The following ANLN variants were observed in gnomAD, a reference collection of about 807,000 sequenced individuals.
ANLN encodes the protein anillin, actin binding protein.
Under a neutral mutation model 135.1 loss-of-function variants are expected in ANLN, and 59 were observed. The ratio of observed to expected loss-of-function variants is 0.44; its 90% confidence interval spans 0.35 to 0.54. The LOEUF (loss-of-function observed/expected upper bound fraction) is 0.54. Ranked by LOEUF, ANLN falls within the 20% of genes least tolerant of loss-of-function variation. The probability of loss-of-function intolerance (pLI) is 0.00; values close to 1 mark genes in which losing one functional copy is unlikely to be tolerated. For missense variants in ANLN, 1,182 were observed against 1,340.0 expected (o/e 0.88, Z 1.84); for synonymous variants, 406 against 456.4 (o/e 0.89, Z 1.41).
chr7:36,449,821 A>G lies in ANLN; in HGVS notation c.3235A>G (p.Thr1079Ala). The G allele has an allele frequency of 1.9e-6, 3 of 1,613,822 alleles. No individual in the cohort carries two copies. Among genetic ancestry groups the G allele is most frequent in the Non-Finnish European group, 2.5e-6 (3 of 1,179,856 alleles). ...RETLVSQCRD[T>A]LCVTKNWLSA... is the part of the protein sequence containing the mutation. ...GACTCTTGTCAGCCAATGCAGGGAC[A>G]CACTCTGTGTTACCAAGTATGTATT... The change falls in exon 23 of 24, where the codon ACA becomes GCA. Residue 1079 changes from threonine to alanine, a missense_variant. Transcript: ENST00000265748.
At chr7:36,408,300 A>G (rs548364905) in intron 5 of ANLN, among the ~76,000 whole-genome samples, 14 of 152,178 alleles carry the variant, frequency 9.2e-5, no homozygotes, top group Non-Finnish European at 1.3e-4. Flanking sequence ...TCTTGTAGCC[A>G]AGTGTGCAGA....
intron 7 of ANLN, among the ~76,000 whole-genome samples, chr7:36,411,496 A>G (rs907946855): frequency 1.3e-5 from 2 of 152,226 alleles, no homozygotes; most frequent in Admixed American, 6.5e-5. Context: ...ACTTTTCTCA[A>G]TGATGACTGT....
At chr7:36,443,467 A>G (rs1443768148) in intron 21 of ANLN, among the ~76,000 whole-genome samples, 1 of 150,998 alleles carries the variant, frequency 6.6e-6, no homozygotes, top group Admixed American at 6.6e-5. Context: ...GGAGCATTTG[A>G]TTAGGGACAC....
chr7:36,403,317 G>A (rs1024226847), intron 3 of ANLN, among the ~76,000 whole-genome samples: 1 of 152,106 alleles, frequency 6.6e-6, no homozygotes, highest in African/African-American at 2.4e-5. Flanking sequence ...CTAAGATGAG[G>A]AGGAATATGT....
chr7:36,402,642 A>G (rs1293644564), intron 3 of ANLN, among the ~76,000 whole-genome samples: 1 of 152,140 alleles, frequency 6.6e-6, no homozygotes, highest in Non-Finnish European at 1.5e-5. Flanking sequence ...TGGAAAAAAA[A>G]TGTAACTCTT....
chr7:36,448,252 G>C lies in ANLN; in HGVS notation c.3079-1413G>C, dbSNP rs191907399. Among the ~76,000 whole-genome samples, 301 of 152,216 alleles carry C rather than the reference G, an allele frequency of 2.0e-3. 2 individuals carry two copies. The highest frequency in any genetic ancestry group is 6.8e-3 in the African/African-American group (284 of 41,544). On this transcript the variant is annotated intron_variant, in intron 22 of 23. Transcript: ENST00000265748. ...TGGTCTCAAACTACTGAGCTCAAAGGTATCCGCCTGCCTCCACCTCCTGAA... is the reference window on the plus strand; with the variant it reads ...TGGTCTCAAACTACTGAGCTCAAAGCTATCCGCCTGCCTCCACCTCCTGAA...
intron 10 of ANLN, 147 bp from the exon 11 acceptor site, chr7:36,420,022 A>G: frequency 1.4e-6 from 1 of 738,682 alleles, no homozygotes; most frequent in Non-Finnish European, 2.1e-6. Context: ...TTTATGTGTT[A>G]GGAACTTAGT....
In ANLN at chr7:36,446,750, C is replaced by A. The variant is rs138169226; in HGVS notation, c.3078+2888C>A. Among the ~76,000 whole-genome samples the A allele has an allele frequency of 5.5e-3, 840 of 152,318 alleles. 8 individuals carry two copies. The highest frequency in any genetic ancestry group is 0.019 in the African/African-American group (791 of 41,562). On this transcript the variant is annotated intron_variant, in intron 22 of 23. Coordinates refer to ENST00000265748, the MANE Select transcript of ANLN (RefSeq NM_018685.5). ...TGGGGATTACAATTCAACATGAGATCTGGGTGAAGACAAATATCAAAACTG... is the reference window on the plus strand; with the variant it reads ...TGGGGATTACAATTCAACATGAGATATGGGTGAAGACAAATATCAAAACTG...
Position 36,449,944 on chromosome 7 carries a change from A to G in ANLN, c.3251+107A>G, listed in dbSNP as rs368303360. 448 of 1,097,724 alleles carry G rather than the reference A, an allele frequency of 4.1e-4. 2 individuals carry two copies. In the African/African-American group the frequency reaches 5.9e-3, roughly 15 times the overall value. The allele number at this position is 1,097,724 out of a possible 1,614,324, so 68.0% of individuals were successfully genotyped here. ...GATGGTCCTTGACGTTGAAAAGGGC[A>G]CAGCCTTAGTGAGAAAACAAAACAC... is the stretch of plus-strand genomic sequence containing the variant. On this transcript the variant is annotated intron_variant, in intron 23 of 23. Coordinates refer to ENST00000265748, the MANE Select transcript of ANLN (RefSeq NM_018685.5).
intron 3 of ANLN, among the ~76,000 whole-genome samples, chr7:36,405,462 CT>C (rs1198444468): frequency 1.9e-4 from 29 of 152,290 alleles, no homozygotes; most frequent in Non-Finnish European, 1.2e-4. Flanking sequence ...GAAGTAGAAG[CT>C]TTGGACAGGA....
At chr7:36,402,812 T>C (rs186227653) in intron 3 of ANLN, among the ~76,000 whole-genome samples, 1 of 152,256 alleles carries the variant, frequency 6.6e-6, no homozygotes, top group East Asian at 1.9e-4. Flanking sequence ...TTAAGGAGTC[T>C]CTCCCTCCTC....
Position 36,406,546 on chromosome 7 carries a change from G to T in ANLN, c.853G>T (p.Ala285Ser), listed in dbSNP as rs188228038. Residue 285 changes from alanine (A) to serine (S), a missense_variant, in exon 4 of 24, where the codon GCC (alanine) becomes TCC (serine). Ala to Ser is a moderately conservative substitution (Grantham distance 99). Coordinates refer to ENST00000265748, the MANE Select transcript of ANLN (RefSeq NM_018685.5). ...SSADDASLVN[A>S]SISSSVKATS... is the part of the protein sequence containing the mutation. ...TGCTGATGATGCGTCTTTGGTTAAT[G>T]CCTCAATTTCCAGCTCTGTGGTAAG... is the stretch of plus-strand genomic sequence containing the variant. 1 of 1,510,052 alleles carries T rather than the reference G, an allele frequency of 6.6e-7. No individual in the cohort carries two copies. The highest frequency in any genetic ancestry group is 8.9e-7 in the Non-Finnish European group (1 of 1,129,118). The allele number at this position is 1,510,052 out of a possible 1,614,324, so 93.5% of individuals were successfully genotyped here. A position where few individuals can be genotyped will look rare whatever the true frequency, so the allele number is the denominator to read the frequency against.
At chr7:36,422,034 C>A (rs1388806120) in intron 13 of ANLN, 42 bp downstream of exon 13, 2 of 1,587,084 alleles carry the variant, frequency 1.3e-6, no homozygotes, top group Admixed American at 3.7e-5. Flanking sequence ...AAATTTCTAA[C>A]CAGGGAAAAC....
intron 20 of ANLN, chr7:36,428,460 T>A: frequency 1.7e-6 from 1 of 591,352 alleles, no homozygotes; most frequent in Non-Finnish European, 2.6e-6. Context: ...TTTTGTTTAC[T>A]TTGAATAATT....
intron 19 of ANLN, 136 bp downstream of exon 19, chr7:36,426,172 G>T (rs1788070796): frequency 1.5e-6 from 1 of 685,690 alleles, no homozygotes; most frequent in Admixed American, 3.6e-5. Flanking sequence ...TTCTATGTGA[G>T]TTTCTTAGTA....
chr7:36,445,188 T>C (rs1331554144), intron 22 of ANLN, among the ~76,000 whole-genome samples: 2 of 120,860 alleles, frequency 1.7e-5, no homozygotes, highest in African/African-American at 6.0e-5. Context: ...TTTTTTTTTT[T>C]CAGATTTTGG....
At position 36,424,830 on chromosome 7, in the gene ANLN, T is replaced by C. The variant is rs557038378; in HGVS notation, c.2709+88T>C. The stretch of plus-strand genomic sequence containing the variant: ...GTTTTAATTTATGTACAACTTTTAA[T>C]GATTAGGAAGTTTTTGGATCAGTTT... On this transcript the variant is annotated intron_variant, in intron 17 of 23. Coordinates refer to ENST00000265748, the MANE Select transcript of ANLN (RefSeq NM_018685.5). 2.7e-5 allele frequency: 37 copies of C among 1,357,080 alleles called. 1 individual carries two copies. In the South Asian group the frequency reaches 4.5e-4, roughly 17 times the overall value. The allele number at this position is 1,357,080 out of a possible 1,614,324, so 84.1% of individuals were successfully genotyped here.
intron 23 of ANLN, among the ~76,000 whole-genome samples, chr7:36,451,079 T>C (rs1789224561): frequency 6.6e-6 from 1 of 152,222 alleles, no homozygotes; most frequent in Non-Finnish European, 1.5e-5. Flanking sequence ...AATTCAGTCT[T>C]GGCTGAGTCT....
At chr7:36,414,195 G>A (rs1435639110) in intron 7 of ANLN, among the ~76,000 whole-genome samples, 1 of 152,174 alleles carries the variant, frequency 6.6e-6, no homozygotes, top group Non-Finnish European at 1.5e-5. Flanking sequence ...GGAGGGAACG[G>A]GCAAGAGGAG....
Sources: gnomAD v4.1 joint callset for allele counts (sites outside exome capture counted in the v4.1 genomes callset) on GRCh38, gnomAD v4.1.1 for gene constraint, MANE v1.5 for transcripts, NCBI Gene and HGNC (gene_info 2026-07-23, HGNC 2026-07-21) for gene names.